Variants in STK24 observed in about 807,000 individuals in gnomAD.
STK24 encodes the protein serine/threonine kinase 24.
STK24 carries 21 observed loss-of-function variants against 55.6 expected under a neutral mutation model. The ratio of observed to expected loss-of-function variants is 0.38; its 90% confidence interval spans 0.27 to 0.54. The LOEUF (loss-of-function observed/expected upper bound fraction) is 0.54. Among genes scored for constraint, STK24 ranks in the 20% least tolerant of loss-of-function variants. The probability of loss-of-function intolerance (pLI) is 0.79; values close to 1 mark genes in which losing one functional copy is unlikely to be tolerated. For synonymous variants in STK24, 200 were observed against 215.2 expected, an observed-to-expected ratio of 0.93 and a Z score of 0.62; for missense variants, 383 against 538.4, an observed-to-expected ratio of 0.71 and a Z score of 2.86.
At chr13:98,482,409 T>C (rs1894626913) in intron 2 of STK24, 88 bp from the exon 3 acceptor site, 9 of 710,504 alleles carry the variant, frequency 1.3e-5, no homozygotes, top group Non-Finnish European at 1.9e-5. Flanking sequence ...TTCACAATTA[T>C]ATTGGAACTA....
intron 8 of STK24, among the ~76,000 whole-genome samples, chr13:98,461,507 C>G (rs1375345940): frequency 6.6e-6 from 1 of 152,202 alleles, no homozygotes; most frequent in Non-Finnish European, 1.5e-5. Context: ...ATGACATTGC[C>G]ACATCGGGAC....
chr13:98,558,189 T>C (rs1225789800), intron 1 of STK24, among the ~76,000 whole-genome samples: 2 of 152,184 alleles, frequency 1.3e-5, no homozygotes, highest in African/African-American at 4.8e-5. Flanking sequence ...CCTCTTCAAC[T>C]CTAAACACCA....
chr13:98,576,030 A>C, intron 1 of STK24: 1 of 985,142 alleles, frequency 1.0e-6, no homozygotes, highest in South Asian at 4.7e-5. Context: ...AATTCCTGTA[A>C]ATGCAACCAA....
At chr13:98,503,713 C>T (rs897166940) in intron 2 of STK24, among the ~76,000 whole-genome samples, 2 of 152,186 alleles carry the variant, frequency 1.3e-5, no homozygotes, top group African/African-American at 4.8e-5. Context: ...TTAAAATATC[C>T]TTAGAAGTCA....
rs764309296 is a variant in STK24, at chr13:98,448,296, C to CAA, written c.*4875_*4876dup. ...CCTCGCGACCCCACGTGTTGAGTCACAAAGAGTCTCTTGTGTATTGATGGC... is the reference window on the plus strand; with the variant it reads ...CCTCGCGACCCCACGTGTTGAGTCACAAAAAGAGTCTCTTGTGTATTGATGGC... On this transcript the variant is annotated 3_prime_UTR_variant, in exon 11 of 11. Coordinates refer to ENST00000539966, the MANE Select transcript of STK24 (RefSeq NM_001032296.4). 1 of 1,613,692 alleles carries CAA rather than the reference C, an allele frequency of 6.2e-7. No individual in the cohort carries two copies. The highest frequency in any genetic ancestry group is 1.7e-5 in the Admixed American group (1 of 60,016).
rs56857116 is a variant in STK24 at position 98,446,484 on chromosome 13, C to A, written c.*6689G>T. The A allele has an allele frequency of 9.3e-6, 6 of 642,504 alleles. No homozygotes were observed. In the East Asian group the frequency reaches 1.4e-4, roughly 15 times the overall value. 39.8% of individuals were successfully genotyped at this position (642,504 alleles called of 1,614,324 possible). ...GGCTTTATCTACAGCTCAGTCCTGG[C>A]GGGACTTGCCACCCGGGCCATCACG... On this transcript the variant is annotated 3_prime_UTR_variant, in exon 11 of 11. Transcript: ENST00000539966.
At position 98,446,208 on chromosome 13, in the gene STK24, A is replaced by T; in HGVS notation, c.*6965T>A. ...TGTTCTTCTACAAATCACACCAGGT[A>T]AGTGTCTCGCACAGGGCAGGTGGCC... On this transcript the variant is annotated 3_prime_UTR_variant, in exon 11 of 11. Coordinates refer to ENST00000539966, the MANE Select transcript of STK24 (RefSeq NM_001032296.4). The T allele has an allele frequency of 1.9e-6, 3 of 1,604,814 alleles. No individual in the cohort carries two copies. Among genetic ancestry groups the T allele is most frequent in the Non-Finnish European group, 2.6e-6 (3 of 1,171,822 alleles).
At chr13:98,552,295 T>C (rs541671686) in intron 1 of STK24, among the ~76,000 whole-genome samples, 1 of 152,108 alleles carries the variant, frequency 6.6e-6, no homozygotes, top group Admixed American at 6.5e-5. Flanking sequence ...ACAAGGATGA[T>C]GGGAAGGGAC....
At chr13:98,469,108 C>A (rs952930556) in intron 5 of STK24, among the ~76,000 whole-genome samples, 1 of 152,196 alleles carries the variant, frequency 6.6e-6, no homozygotes, top group African/African-American at 2.4e-5. Flanking sequence ...AGCAGGCGGC[C>A]GAACGCCTGC....
chr13:98,454,830 A>G (rs1022668326), intron 10 of STK24: 3 of 152,244 alleles, frequency 2.0e-5, no homozygotes, highest in African/African-American at 7.2e-5. Context: ...GATGATAAGC[A>G]CCTCAAGAGG....
chr13:98,482,306 T>C lies in STK24; in HGVS notation c.289A>G (p.Ile97Val). The change falls in exon 3 of 11, where the codon ATA becomes GTA. Residue 97 changes from isoleucine (I) to valine (V), a missense_variant. Ile to Val is a conservative substitution (Grantham distance 29). Coordinates refer to ENST00000539966, the MANE Select transcript of STK24 (RefSeq NM_001032296.4). ...GSYLKDTKLW[I>V]IMEYLGGGSA... ...CCTCCACCAAGATATTCCATTATTA[T>C]CCATAATTTTGTATCCTATAAAACA... 1 of 1,573,734 alleles carries C rather than the reference T, an allele frequency of 6.4e-7. No homozygotes were observed. The highest frequency in any genetic ancestry group is 8.7e-7 in the Non-Finnish European group (1 of 1,152,482).
chr13:98,555,748 T>A (rs1479682836), intron 1 of STK24, among the ~76,000 whole-genome samples: 1 of 131,946 alleles, frequency 7.6e-6, no homozygotes, highest in Admixed American at 8.1e-5. Context: ...TGGCGCAATC[T>A]CCGCTCACTG....
chr13:98,531,213 C>T (rs1896571432), intron 1 of STK24, among the ~76,000 whole-genome samples: 1 of 152,230 alleles, frequency 6.6e-6, no homozygotes, highest in East Asian at 1.9e-4. Flanking sequence ...AAGTTTAAAG[C>T]TCACTCTTTA....
chr13:98,478,212 A>G (rs952043166), intron 3 of STK24, among the ~76,000 whole-genome samples: 4 of 152,140 alleles, frequency 2.6e-5, no homozygotes, highest in Non-Finnish European at 5.9e-5. Flanking sequence ...AGACTCTTCA[A>G]ATAGGACCCA....
intron 10 of STK24, 146 bp downstream of exon 10, chr13:98,457,022 C>G (rs1370483875): frequency 1.0e-5 from 10 of 953,546 alleles, no homozygotes; most frequent in Admixed American, 8.8e-5. Context: ...AGAACAAAGT[C>G]TCCTCTAATT....
chr13:98,462,065 C>T (rs1893730652), intron 7 of STK24, among the ~76,000 whole-genome samples, 168 bp from the exon 8 acceptor site: 1 of 152,124 alleles, frequency 6.6e-6, no homozygotes, highest in African/African-American at 2.4e-5. Flanking sequence ...CCAAAGACCC[C>T]CCCGCCTCCT....
intron 1 of STK24, among the ~76,000 whole-genome samples, chr13:98,529,195 T>C (rs931054229): frequency 6.6e-6 from 1 of 152,066 alleles, no homozygotes; most frequent in African/African-American, 2.4e-5. Flanking sequence ...ACCACGTGTT[T>C]CATCGTTAAC....
Position 98,449,681 on chromosome 13 carries a change from A to AGAT in STK24, c.*3489_*3491dup, listed in dbSNP as rs1055891605. The AGAT allele has an allele frequency of 6.6e-5, 10 of 152,546 alleles. No homozygotes were observed. The highest frequency in any genetic ancestry group is 2.4e-4 in the African/African-American group (10 of 41,396). 9.4% of individuals were successfully genotyped at this position (152,546 alleles called of 1,614,324 possible). ...CCGTGTGTTAATCATTTGCCTTACAAGATGTACCAGACGGTTTCCAGTACT... is the reference window on the plus strand; with the variant it reads ...CCGTGTGTTAATCATTTGCCTTACAAGATGATGTACCAGACGGTTTCCAGTACT... On this transcript the variant is annotated 3_prime_UTR_variant, in exon 11 of 11. Coordinates refer to ENST00000539966, the MANE Select transcript of STK24 (RefSeq NM_001032296.4).
intron 2 of STK24, among the ~76,000 whole-genome samples, chr13:98,488,922 C>T (rs1894911673): frequency 6.6e-6 from 1 of 152,268 alleles, no homozygotes; most frequent in Non-Finnish European, 1.5e-5. Flanking sequence ...GCAGCCTCCA[C>T]ATTTCACCAG....
Sources: gnomAD v4.1 joint callset for allele counts (sites outside exome capture counted in the v4.1 genomes callset) on GRCh38, gnomAD v4.1.1 for gene constraint, MANE v1.5 for transcripts, NCBI Gene and HGNC (gene_info 2026-07-23, HGNC 2026-07-21) for gene names.